Variants in BCAS4 observed in about 807,000 individuals in gnomAD.
The protein encoded by BCAS4 is breast carcinoma-amplified sequence 4.
BCAS4 carries 9 observed loss-of-function variants against 15.7 expected under a neutral mutation model. That is an observed-to-expected ratio of 0.57 (90% CI 0.34 to 1.00). The LOEUF is 1.00. Among genes scored for constraint, BCAS4 ranks in the 50% least tolerant of loss-of-function variants. The pLI is 0.02. For synonymous variants in BCAS4, 101 were observed against 99.5 expected (o/e 1.02, Z -0.09); for missense variants, 225 against 239.1 (o/e 0.94, Z 0.39).
At chr20:50,806,226 G>C (rs2087988021) in intron 1 of BCAS4, among the ~76,000 whole-genome samples, 1 of 152,126 alleles carries the variant, frequency 6.6e-6, no homozygotes, top group East Asian at 1.9e-4. Flanking sequence ...TTTTCAAATG[G>C]GGAGTCAGAA....
chr20:50,858,422 T>C (rs1978880967), intron 4 of BCAS4, among the ~76,000 whole-genome samples: 1 of 151,782 alleles, frequency 6.6e-6, no homozygotes, highest in South Asian at 2.1e-4. Flanking sequence ...GCCAACATGG[T>C]GAAACCCTGT....
intron 4 of BCAS4, among the ~76,000 whole-genome samples, chr20:50,850,719 C>T (rs1177812154): frequency 6.6e-6 from 1 of 152,198 alleles, no homozygotes; most frequent in African/African-American, 2.4e-5. Flanking sequence ...CCCTGAGCGG[C>T]GTCCCTGCCC....
intron 3 of BCAS4, among the ~76,000 whole-genome samples, chr20:50,835,512 G>A (rs1380399458): frequency 2.0e-5 from 3 of 152,062 alleles, no homozygotes; most frequent in African/African-American, 7.2e-5. Context: ...CTAAAGTGCT[G>A]GGATTACAGG....
chr20:50,797,137 C>T (rs2087875699), intron 1 of BCAS4, among the ~76,000 whole-genome samples: 2 of 152,124 alleles, frequency 1.3e-5, no homozygotes. Context: ...CATGCCTGGC[C>T]CATCTATATT....
intron 2 of BCAS4, among the ~76,000 whole-genome samples, chr20:50,820,907 A>G (rs1047945783): frequency 1.4e-5 from 2 of 147,750 alleles, no homozygotes; most frequent in Non-Finnish European, 2.9e-5. Context: ...CTGGGGGGGA[A>G]AAAAGCAGGC....
intron 2 of BCAS4, among the ~76,000 whole-genome samples, chr20:50,827,675 T>C (rs2088293116): frequency 6.6e-6 from 1 of 152,182 alleles, no homozygotes; most frequent in Non-Finnish European, 1.5e-5. Context: ...TACAAGATGC[T>C]CCAGACTCAG....
intron 1 of BCAS4, among the ~76,000 whole-genome samples, chr20:50,814,523 G>A (rs765296030): frequency 1.3e-4 from 20 of 152,216 alleles, no homozygotes; most frequent in South Asian, 6.2e-4. Context: ...GGGCTCAAGC[G>A]ATCCTCTGGC....
In BCAS4 at chr20:50,816,791, ATTTTTTTTTTTT is replaced by A. The variant is rs35600563; in HGVS notation, c.91-1400_91-1389del. On this transcript the variant is annotated intron_variant, in intron 1 of 4. Transcript: ENST00000371608. Reference sequence around the variant, plus strand: ...AGACATGCACCACCATGCCTGGCTAATTTTTTTTTTTTTTTTTTTTTTTTTTTTTTTGAGACG... The same window carrying A: ...AGACATGCACCACCATGCCTGGCTAATTTTTTTTTTTTTTTTTTTGAGACG... Among the ~76,000 whole-genome samples, 31 of 80,926 alleles carry A rather than the reference ATTTTTTTTTTTT, an allele frequency of 3.8e-4. No homozygotes were observed. The East Asian group carries it at 5.9e-3, about 15-fold the overall frequency. 53.1% of individuals were successfully genotyped at this position (80,926 alleles called of 152,430 possible).
intron 4 of BCAS4, among the ~76,000 whole-genome samples, chr20:50,850,565 A>AT (rs935771216): frequency 2.6e-5 from 4 of 152,198 alleles, no homozygotes; most frequent in African/African-American, 9.7e-5. Flanking sequence ...TTCATGTGAG[A>AT]TTTTTGAGGA....
In BCAS4 at chr20:50,806,363, C is replaced by G. The variant is rs944213245; in HGVS notation, c.90+11190C>G. On this transcript the variant is annotated intron_variant, in intron 1 of 4. Coordinates refer to ENST00000371608, the MANE Select transcript of BCAS4 (RefSeq NM_198799.4). ...CAGGCAGTACACGTCCTCCCCTTCC[C>G]TTCTCTCTCTTTCTCCCTTTCATCT... Among the ~76,000 whole-genome samples, 4 of 152,154 alleles carry G rather than the reference C, an allele frequency of 2.6e-5. No individual in the cohort carries two copies. In the South Asian group the frequency reaches 8.3e-4, roughly 31 times the overall value.
In BCAS4 at chr20:50,851,118, T is replaced by G. The variant is rs1404383823; in HGVS notation, c.399+9218T>G. ...CCCTGCAGAATCCCCCTGCAGGAGG[T>G]GACTCGGGGAGGGAGCCCGACAGCT... On this transcript the variant is annotated intron_variant, in intron 4 of 4. Coordinates refer to ENST00000371608, the MANE Select transcript of BCAS4 (RefSeq NM_198799.4). The surrounding 1 kb of genome is among the most constrained non-coding windows in gnomAD (Gnocchi z 4.3). 8.7e-5 allele frequency among the ~76,000 whole-genome samples: 1 copy of G among 11,524 alleles called. No individual in the cohort carries two copies. The highest frequency in any genetic ancestry group is 1.6e-4 in the Non-Finnish European group (1 of 6,268). The allele number at this position is 11,524 out of a possible 152,430, so 7.6% of individuals were successfully genotyped here.
chr20:50,857,546 T>C (rs1978829540), intron 4 of BCAS4, among the ~76,000 whole-genome samples: 1 of 152,228 alleles, frequency 6.6e-6, no homozygotes, highest in Non-Finnish European at 1.5e-5. Flanking sequence ...GTTAGTAACT[T>C]GGCCAAGGTC....
intron 1 of BCAS4, among the ~76,000 whole-genome samples, chr20:50,815,405 C>T (rs919076458): frequency 1.3e-5 from 2 of 152,216 alleles, no homozygotes; most frequent in African/African-American, 4.8e-5. Flanking sequence ...ATCTCTCCAT[C>T]ACCCGCTGTG....
At chr20:50,859,337 T>G (rs1424659061) in intron 4 of BCAS4, among the ~76,000 whole-genome samples, 1 of 152,198 alleles carries the variant, frequency 6.6e-6, no homozygotes, top group Admixed American at 6.5e-5. Context: ...GAACCACCTG[T>G]GTGAGCTAGG....
intron 4 of BCAS4, among the ~76,000 whole-genome samples, chr20:50,849,638 C>A (rs1173260949): frequency 6.6e-6 from 1 of 152,180 alleles, no homozygotes; most frequent in African/African-American, 2.4e-5. Flanking sequence ...ATTGCAGACC[C>A]CATGCCTCGT....
At chr20:50,817,718 A>G (rs919940258) in intron 1 of BCAS4, among the ~76,000 whole-genome samples, 1 of 151,446 alleles carries the variant, frequency 6.6e-6, no homozygotes, top group Admixed American at 6.6e-5. Flanking sequence ...CGCCTCACAC[A>G]TTTTTTTTGG....
chr20:50,800,793 C>G (rs936367424), intron 1 of BCAS4, among the ~76,000 whole-genome samples: 2 of 152,050 alleles, frequency 1.3e-5, no homozygotes, highest in African/African-American at 4.8e-5. Context: ...AACCTGTGAC[C>G]TCAGGTGATC....
intron 3 of BCAS4, chr20:50,840,883 G>A (rs922383063): frequency 8.1e-5 from 58 of 714,698 alleles, no homozygotes; most frequent in Non-Finnish European, 1.2e-4. Flanking sequence ...AGGCTGGACT[G>A]CAATGGCGCG....
intron 4 of BCAS4, among the ~76,000 whole-genome samples, chr20:50,847,780 C>T (rs924539731): frequency 1.2e-4 from 18 of 152,162 alleles, no homozygotes; most frequent in African/African-American, 2.9e-4. Context: ...CGGTGGCTCA[C>T]GCCTGTAATC....
Sources: allele counts gnomAD v4.1 joint callset (sites outside exome capture counted in the v4.1 genomes callset), GRCh38; gene constraint gnomAD v4.1.1; non-coding constraint Gnocchi (gnomAD v3.1); transcripts MANE v1.5; gene names NCBI Gene and HGNC (gene_info 2026-07-23, HGNC 2026-07-21).